FILIP1: variants seen among roughly 807,000 people sequenced by gnomAD.
FILIP1 encodes the protein filamin A interacting protein 1.
In FILIP1, 61 loss-of-function variants were observed where a neutral mutation model predicts 102.1. The ratio of observed to expected loss-of-function variants is 0.60; its 90% CI spans 0.49 to 0.74. The LOEUF (loss-of-function observed/expected upper bound fraction) is 0.74, where lower values mean the gene tolerates loss of function less well. Among genes scored for constraint, FILIP1 ranks in the 30% least tolerant of loss-of-function variants. FILIP1 has a pLI of 0.00. For missense variants in FILIP1, 1,314 were observed against 1,441.2 expected (o/e 0.91, Z 1.43); for synonymous variants, 491 against 526.9 (o/e 0.93, Z 0.93).
chr6:75,389,908 A>G (rs2149655275), intron 2 of FILIP1, among the ~76,000 whole-genome samples: 1 of 152,202 alleles, frequency 6.6e-6, no homozygotes, highest in East Asian at 1.9e-4. Flanking sequence ...CCATCAGTTC[A>G]CAAACTCTTC....
At position 75,313,840 on chromosome 6, in the gene FILIP1, T is replaced by C; in HGVS notation, c.1992A>G (p.Glu664=). The change falls in exon 5 of 6, where the codon GAA becomes GAG. Residue 664 remains glutamate, a synonymous_variant. Coordinates refer to ENST00000237172, the MANE Select transcript of FILIP1 (RefSeq NM_015687.5). The surrounding 1 kb of genome is among the most constrained non-coding windows in gnomAD (Gnocchi z 4.2). ...MKTEDEYDQL[E]QKFRTEQDKA... is the part of the protein sequence containing the mutation. Reference sequence around the variant, plus strand: ...TATCCTGCTCAGTTCTAAATTTCTGTTCCAGCTGATCATACTCATCTTCTG... The same window carrying C: ...TATCCTGCTCAGTTCTAAATTTCTGCTCCAGCTGATCATACTCATCTTCTG... The C allele has an allele frequency of 1.2e-6, 2 of 1,614,136 alleles. No homozygotes were observed. The highest frequency in any genetic ancestry group is 1.7e-6 in the Non-Finnish European group (2 of 1,180,016).
At chr6:75,452,355 A>G (rs914912899) in intron 1 of FILIP1, among the ~76,000 whole-genome samples, 2 of 151,334 alleles carry the variant, frequency 1.3e-5, no homozygotes, top group African/African-American at 2.4e-5. Flanking sequence ...GAGAACATGC[A>G]GTGTTTGGTT....
At chr6:75,367,337 T>C (rs1775370777) in intron 2 of FILIP1, 1 of 152,102 alleles carries the variant, frequency 6.6e-6, no homozygotes, top group Non-Finnish European at 1.5e-5. Flanking sequence ...AATTGTATAG[T>C]AATAATCATG....
chr6:75,384,623 C>T (rs1776021740), intron 2 of FILIP1, among the ~76,000 whole-genome samples: 1 of 151,946 alleles, frequency 6.6e-6, no homozygotes, highest in Non-Finnish European at 1.5e-5. Flanking sequence ...CATCAAGCCA[C>T]CTTTTGGAAG....
intron 1 of FILIP1, among the ~76,000 whole-genome samples, chr6:75,471,771 A>G (rs1779338713): frequency 6.6e-6 from 1 of 152,192 alleles, no homozygotes; most frequent in African/African-American, 2.4e-5. Context: ...ACCTATGTGT[A>G]CTGAAAAAAT....
intron 4 of FILIP1, among the ~76,000 whole-genome samples, chr6:75,350,274 G>T (rs1380051118): frequency 6.6e-6 from 1 of 152,136 alleles, no homozygotes; most frequent in Non-Finnish European, 1.5e-5. Context: ...ACATAAAGTG[G>T]TGTGAAAATT....
intron 5 of FILIP1, among the ~76,000 whole-genome samples, chr6:75,311,341 C>T (rs1296591049): frequency 7.6e-6 from 1 of 131,380 alleles, no homozygotes; most frequent in East Asian, 2.1e-4. Flanking sequence ...CACCACTACA[C>T]CCAGCTACTT....
At chr6:75,378,711 T>G (rs1582417709) in intron 2 of FILIP1, among the ~76,000 whole-genome samples, 1 of 152,154 alleles carries the variant, frequency 6.6e-6, no homozygotes, top group East Asian at 1.9e-4. Flanking sequence ...TGGTGAAAAC[T>G]CCATCAGCTT....
At chr6:75,395,955 GTGGAAACA>G (rs1203474970) in intron 2 of FILIP1, among the ~76,000 whole-genome samples, 1 of 151,954 alleles carries the variant, frequency 6.6e-6, no homozygotes, top group African/African-American at 2.4e-5. Context: ...TGACTTGGAT[GTGGAAACA>G]ACATAAAAAA....
Position 75,314,675 on chromosome 6 carries a change from C to G in FILIP1, c.1157G>C (p.Arg386Pro). 1 of 1,613,734 alleles carries G rather than the reference C, an allele frequency of 6.2e-7. No homozygotes were observed. The highest frequency in any genetic ancestry group is 8.5e-7 in the Non-Finnish European group (1 of 1,179,940). ...ATCTTTACCTTCCATTTCAAGCACACGCTTTCGAAGATTTTCCACTTCTGC... is the reference window on the plus strand; with the variant it reads ...ATCTTTACCTTCCATTTCAAGCACAGGCTTTCGAAGATTTTCCACTTCTGC... ...LMAEVENLRK[R>P]VLEMEGKDEE... Residue 386 changes from arginine to proline, a missense_variant, in exon 5 of 6, where the codon CGT becomes CCT. Physicochemically the swap from Arg to Pro is moderately radical, Grantham distance 103. Coordinates refer to ENST00000237172, the MANE Select transcript of FILIP1 (RefSeq NM_015687.5).
At chr6:75,360,806 C>A (rs45481594) in intron 3 of FILIP1, 4,545 of 152,248 alleles carry the variant, frequency 0.03, 98 homozygotes, top group South Asian at 0.081. Flanking sequence ...TATAACATTG[C>A]TTCTAGGAAA....
chr6:75,314,550 G>C lies in FILIP1; in HGVS notation c.1282C>G (p.Leu428Val), dbSNP rs1773355772. 7 of 1,613,950 alleles carry C rather than the reference G, an allele frequency of 4.3e-6. No individual in the cohort carries two copies. The highest frequency in any genetic ancestry group is 5.9e-6 in the Non-Finnish European group (7 of 1,180,006). Residue 428 changes from leucine to valine, a missense_variant, in exon 5 of 6, where the codon CTA becomes GTA. Transcript: ENST00000237172. ...SKELRLEVEK[L>V]QKRMSELEKL... is the part of the protein sequence containing the mutation. ...TCTAGTTCAGACATTCTCTTCTGTA[G>C]CTTCTCAACTTCAAGTCTGAGCTCC... is the stretch of plus-strand genomic sequence containing the variant.
intron 4 of FILIP1, among the ~76,000 whole-genome samples, chr6:75,340,076 C>T (rs890889921): frequency 9.2e-5 from 14 of 152,112 alleles, no homozygotes; most frequent in African/African-American, 3.1e-4. Context: ...AACTCCAGCA[C>T]TTCCTCTCCC....
rs761980858 is a variant in FILIP1, at chr6:75,312,454, C to T, written c.3378G>A (p.Thr1126=). ...LSSRPGASKV[T]STITITPVTT... is the part of the protein sequence containing the mutation. ...TGACCGGTGTTATGGTGATAGTGCT[C>T]GTCACTTTGCTTGCACCAGGCCGTG... is the stretch of plus-strand genomic sequence containing the variant. The change falls in exon 5 of 6, where the codon ACG becomes ACA. Residue 1126 remains threonine, a synonymous_variant. Coordinates refer to ENST00000237172, the MANE Select transcript of FILIP1 (RefSeq NM_015687.5). 1.1e-5 allele frequency: 17 copies of T among 1,613,950 alleles called. No homozygotes were observed. The highest frequency in any genetic ancestry group is 2.7e-5 in the African/African-American group (2 of 74,862).
At chr6:75,361,343 C>T (rs374020107) in intron 3 of FILIP1, among the ~76,000 whole-genome samples, 5 of 152,160 alleles carry the variant, frequency 3.3e-5, no homozygotes, top group African/African-American at 7.2e-5. Context: ...GCTCTGCAGA[C>T]GCACCTCTCC....
Position 75,314,143 on chromosome 6 carries a change from T to G in FILIP1, c.1689A>C (p.Glu563Asp). Reference protein sequence around the residue: ...KLLKLKSEMEEKVYNLTRERD... With the variant: ...KLLKLKSEMEDKVYNLTRERD... Reference sequence around the variant, plus strand: ...TTTCTCTTGTCAAGTTGTATACTTTTTCCTCCATTTCAGATTTTAGTTTTA... The same window carrying G: ...TTTCTCTTGTCAAGTTGTATACTTTGTCCTCCATTTCAGATTTTAGTTTTA... Residue 563 changes from glutamate (E) to aspartate (D), a missense_variant, in exon 5 of 6, where the codon GAA becomes GAC. By Grantham distance (45) the Glu-to-Asp change is conservative. Around this residue, in one of 3 missense-constraint regions of FILIP1, gnomAD observed 816 missense variants for 913.1 expected, o/e 0.89. Transcript: ENST00000237172. 1 of 1,525,900 alleles carries G rather than the reference T, an allele frequency of 6.6e-7. No individual in the cohort carries two copies. The highest frequency in any genetic ancestry group is 8.7e-7 in the Non-Finnish European group (1 of 1,147,690). 94.5% of individuals were successfully genotyped at this position (1,525,900 alleles called of 1,614,324 possible).
chr6:75,342,907 T>A (rs1265555136), intron 4 of FILIP1, among the ~76,000 whole-genome samples: 6 of 152,224 alleles, frequency 3.9e-5, no homozygotes, highest in Admixed American at 3.3e-4. Flanking sequence ...CCATTTTTAC[T>A]CTTTTTCTCC....
chr6:75,411,209 T>A (rs1011689244), intron 2 of FILIP1, among the ~76,000 whole-genome samples: 1 of 152,246 alleles, frequency 6.6e-6, no homozygotes, highest in Non-Finnish European at 1.5e-5. Context: ...GTTGGCCACA[T>A]AAATATCTTC....
intron 4 of FILIP1, among the ~76,000 whole-genome samples, chr6:75,321,481 A>G (rs548478941): frequency 6.6e-6 from 1 of 152,280 alleles, no homozygotes; most frequent in African/African-American, 2.4e-5. Context: ...AATGGAGGTG[A>G]TATTTCCTTA....
Sources: gnomAD v4.1 joint callset for allele counts (sites outside exome capture counted in the v4.1 genomes callset) on GRCh38, gnomAD v4.1.1 for gene constraint, gnomAD v4.1.1 regional missense constraint, Gnocchi (gnomAD v3.1) non-coding constraint, MANE v1.5 for transcripts, NCBI Gene and HGNC (gene_info 2026-07-23, HGNC 2026-07-21) for gene names.